The following NLGN1 variants were observed in gnomAD, a reference collection of about 807,000 sequenced individuals.
The protein encoded by NLGN1 is neuroligin-1.
Under a neutral mutation model 65.5 loss-of-function variants are expected in NLGN1, and 12 were observed. The observed-to-expected ratio is 0.18, with a 90% CI of 0.12 to 0.30. The LOEUF (loss-of-function observed/expected upper bound fraction) is 0.30, where lower values mean the gene tolerates loss of function less well. Ranked by LOEUF, NLGN1 falls within the 10% of genes least tolerant of loss-of-function variation. The pLI is 1.00. For synonymous variants in NLGN1, 350 were observed against 359.5 expected (o/e 0.97, Z 0.30); for missense variants, 750 against 1,007.1 (o/e 0.74, Z 3.46).
chr3:174,076,341 T>G (rs1056172006), intron 4 of NLGN1, among the ~76,000 whole-genome samples: 1 of 152,116 alleles, frequency 6.6e-6, no homozygotes, highest in African/African-American at 2.4e-5. Flanking sequence ...AGACTCAGTT[T>G]CCTTTATTGG....
chr3:174,002,704 A>T (rs1167244822), intron 4 of NLGN1, among the ~76,000 whole-genome samples: 2 of 152,102 alleles, frequency 1.3e-5, no homozygotes, highest in African/African-American at 2.4e-5. Flanking sequence ...TTCTAGTGAA[A>T]TTTTTTTGCC....
chr3:173,840,632 C>A (rs918714416), intron 4 of NLGN1, among the ~76,000 whole-genome samples: 1 of 152,090 alleles, frequency 6.6e-6, no homozygotes, highest in Non-Finnish European at 1.5e-5. Context: ...ATATTTTTAT[C>A]TTTGACTCCT....
intron 4 of NLGN1, among the ~76,000 whole-genome samples, chr3:173,967,738 G>C (rs1454399744): frequency 6.6e-6 from 1 of 152,054 alleles, no homozygotes; most frequent in Non-Finnish European, 1.5e-5. Context: ...GAACTTATCA[G>C]TTCAATGAGC....
chr3:174,037,594 C>T (rs1241981551), intron 4 of NLGN1, among the ~76,000 whole-genome samples: 1 of 152,124 alleles, frequency 6.6e-6, no homozygotes, highest in African/African-American at 2.4e-5. Context: ...GTATTACTTA[C>T]AGACAAACAC....
At chr3:173,635,357 CATTA>C (rs1317009515) in intron 3 of NLGN1, among the ~76,000 whole-genome samples, 1 of 152,106 alleles carries the variant, frequency 6.6e-6, no homozygotes, top group Non-Finnish European at 1.5e-5. Context: ...CTGTTTGCTG[CATTA>C]ATTCTCATTG....
intron 4 of NLGN1, among the ~76,000 whole-genome samples, chr3:173,882,648 T>C (rs1000437669): frequency 2.6e-5 from 4 of 152,214 alleles, no homozygotes; most frequent in Non-Finnish European, 4.4e-5. Context: ...TCAGCCTTCA[T>C]AGAATTGAAG....
chr3:173,500,669 A>G (rs1034602320), intron 2 of NLGN1, among the ~76,000 whole-genome samples: 1 of 152,170 alleles, frequency 6.6e-6, no homozygotes, highest in East Asian at 1.9e-4. Flanking sequence ...TTGGCTGTGA[A>G]TTCATCTGGT....
chr3:173,430,406 C>T (rs1032730134), intron 1 of NLGN1, among the ~76,000 whole-genome samples: 1 of 152,080 alleles, frequency 6.6e-6, no homozygotes, highest in African/African-American at 2.4e-5. Context: ...GATTATAGAC[C>T]TGTCGTTTTA....
At chr3:174,073,081 A>C (rs1202736691) in intron 4 of NLGN1, among the ~76,000 whole-genome samples, 1 of 152,200 alleles carries the variant, frequency 6.6e-6, no homozygotes, top group Non-Finnish European at 1.5e-5. Flanking sequence ...CTATGTTTGT[A>C]TGATATTGAT....
At chr3:173,850,815 C>T (rs1458094163) in intron 4 of NLGN1, among the ~76,000 whole-genome samples, 4 of 152,098 alleles carry the variant, frequency 2.6e-5, no homozygotes, top group Admixed American at 2.0e-4. Flanking sequence ...TGATCCACTG[C>T]AGCTTCAACC....
At chr3:173,604,721 C>T (rs147864627) in exon 3 of NLGN1, 3 of 1,613,692 alleles carry the variant, frequency 1.9e-6, no homozygotes, top group Non-Finnish European at 2.5e-6. Flanking sequence ...TTCAGGCTGG[C>T]CATGTGCTAT....
At position 174,280,042 on chromosome 3, in the gene NLGN1, A is replaced by T. The variant is rs2152893821; in HGVS notation, c.1649+392A>T. Among the ~76,000 whole-genome samples the T allele has an allele frequency of 6.6e-6, 1 of 152,130 alleles. No individual in the cohort carries two copies. Among genetic ancestry groups the T allele is most frequent in the South Asian group, 2.1e-4 (1 of 4,824 alleles). On this transcript the variant is annotated intron_variant, in intron 6 of 6. Coordinates refer to ENST00000457714, the Ensembl canonical transcript of NLGN1. This position sits in a 1 kb window ranked among gnomAD's most constrained non-coding sequence, Gnocchi z 4.9. The stretch of plus-strand genomic sequence containing the variant: ...GTACTATTAATCCCACTTTACAAGA[A>T]GGAGACCTGAGGCTCTGTGAGTGTC...
At chr3:174,080,227 C>T (rs887089050) in intron 4 of NLGN1, among the ~76,000 whole-genome samples, 1 of 152,100 alleles carries the variant, frequency 6.6e-6, no homozygotes, top group Non-Finnish European at 1.5e-5. Flanking sequence ...TAAATTAACC[C>T]TTTCCTATAG....
intron 4 of NLGN1, among the ~76,000 whole-genome samples, chr3:174,007,737 A>G (rs1724726684): frequency 6.6e-6 from 1 of 152,216 alleles, no homozygotes; most frequent in Admixed American, 6.5e-5. Context: ...TAATCCCACT[A>G]ATACTGTAAA....
chr3:173,567,386 A>G (rs1743858373), intron 2 of NLGN1, among the ~76,000 whole-genome samples: 1 of 151,998 alleles, frequency 6.6e-6, no homozygotes, highest in African/African-American at 2.4e-5. Context: ...AAAATGAAAT[A>G]TTTTGTAGTT....
intron 4 of NLGN1, among the ~76,000 whole-genome samples, chr3:174,101,675 TTTTA>T (rs1277858866): frequency 1.3e-5 from 2 of 152,218 alleles, no homozygotes; most frequent in African/African-American, 2.4e-5. Flanking sequence ...TGTCTTTGTC[TTTTA>T]TTTGTTTTTC....
At chr3:174,056,733 A>G (rs1473988220) in intron 4 of NLGN1, among the ~76,000 whole-genome samples, 1 of 152,038 alleles carries the variant, frequency 6.6e-6, no homozygotes, top group Non-Finnish European at 1.5e-5. Flanking sequence ...CAAGCACTAT[A>G]TTTCAGACTT....
chr3:173,942,063 A>G (rs1746197443), intron 4 of NLGN1, among the ~76,000 whole-genome samples: 1 of 149,792 alleles, frequency 6.7e-6, no homozygotes, highest in Non-Finnish European at 1.5e-5. Flanking sequence ...TGTGTTTGGA[A>G]TATTTTTCCA....
intron 4 of NLGN1, among the ~76,000 whole-genome samples, chr3:173,846,213 A>G (rs1725764910): frequency 1.3e-5 from 2 of 152,340 alleles, no homozygotes; most frequent in South Asian, 4.1e-4. Flanking sequence ...TCTTTTCTAA[A>G]TTCTCCAGTT....
Sources: allele counts gnomAD v4.1 joint callset (sites outside exome capture counted in the v4.1 genomes callset), GRCh38; gene constraint gnomAD v4.1.1; non-coding constraint Gnocchi (gnomAD v3.1); transcripts MANE v1.5; gene names NCBI Gene and HGNC (gene_info 2026-07-23, HGNC 2026-07-21).